The following TLR9 variants were observed in gnomAD, a reference collection of about 807,000 sequenced individuals.
TLR9 encodes the protein toll-like receptor 9.
TLR9 carries 19 observed loss-of-function variants against 24.6 expected under a neutral mutation model. The observed-to-expected ratio is 0.77, with a 90% confidence interval of 0.54 to 1.13. The LOEUF (loss-of-function observed/expected upper bound fraction) is 1.13. Ranked by LOEUF, TLR9 falls within the 50% of genes most tolerant of loss-of-function variation. The pLI is 0.00. For missense variants in TLR9, 1,065 were observed against 1,379.6 expected (o/e 0.77, Z 3.61); for synonymous variants, 579 against 609.8 (o/e 0.95, Z 0.74).
At position 52,221,730 on chromosome 3, in the gene TLR9, C is replaced by T. The variant is rs200997934; in HGVS notation, c.2586G>A (p.Gly862=). The T allele has an allele frequency of 9.4e-5, 152 of 1,613,818 alleles. No homozygotes were observed. Among genetic ancestry groups the T allele is most frequent in the East Asian group, 8.9e-5 (4 of 44,882 alleles). The part of the protein sequence containing the change: ...AWLPWRGRQS[G]RDEDALPYDA... ...CGTAGGGCAGGGCATCCTCATCTCG[C>T]CCACTTTGCCGCCCCCGCCAGGGAA... Residue 862 remains glycine, a synonymous_variant, in exon 2 of 2, where the codon GGG becomes GGA. Coordinates refer to ENST00000360658, the MANE Select transcript of TLR9 (RefSeq NM_017442.4). The surrounding 1 kb of genome is among the most constrained non-coding windows in gnomAD (Gnocchi z 9.9).
At chr3:52,224,442 T>TTGGCA in intron 1 of TLR9, 130 bp from the exon 2 acceptor site, 1 of 747,178 alleles carries the variant, frequency 1.3e-6, no homozygotes, top group Non-Finnish European at 2.2e-6. Context: ...TCTTCCTGGC[T>TTGGCA]GCCAAGCCCC....
rs747260036 is a variant in TLR9 at position 52,223,983 on chromosome 3, G to T, written c.333C>A (p.His111Gln). The T allele has an allele frequency of 2.5e-6, 4 of 1,596,264 alleles. No homozygotes were observed. The highest frequency in any genetic ancestry group is 3.4e-6 in the Non-Finnish European group (4 of 1,168,220). The change falls in exon 2 of 2, where the codon CAC (histidine) becomes CAA (glutamine). Residue 111 changes from histidine to glutamine, a missense_variant. Transcript: ENST00000360658. ...AGAAGGTGCTGGGCTCGATGGTCATGTGGCAGGGGAAGTGCATGGGGCTGA... is the reference window on the plus strand; with the variant it reads ...AGAAGGTGCTGGGCTCGATGGTCATTTGGCAGGGGAAGTGCATGGGGCTGA... Reference protein sequence around the residue: ...VGLSPMHFPCHMTIEPSTFLA... With the variant: ...VGLSPMHFPCQMTIEPSTFLA...
Position 52,221,309 on chromosome 3 carries a change from G to A in TLR9, c.3007C>T (p.Arg1003Cys), listed in dbSNP as rs200911364. 4.5e-6 allele frequency: 7 copies of A among 1,551,840 alleles called. No homozygotes were observed. Among genetic ancestry groups the A allele is most frequent in the African/African-American group, 2.7e-5 (2 of 72,784 alleles). The change falls in exon 2 of 2, where the codon CGC becomes TGC. Residue 1003 changes from arginine (R) to cysteine (C), a missense_variant. Physicochemically the swap from Arg to Cys is radical, Grantham distance 180 (BLOSUM62 -3). Transcript: ENST00000360658. The surrounding 1 kb of genome is among the most constrained non-coding windows in gnomAD (Gnocchi z 9.9). Reference protein sequence around the residue: ...LLWPHQPSGQRSFWAQLGMAL... With the variant: ...LLWPHQPSGQCSFWAQLGMAL... ...ATGCCCAGCTGGGCCCAGAAGCTGCGCTGACCACTGGGCTGGTGGGGCCAG... is the reference window on the plus strand; with the variant it reads ...ATGCCCAGCTGGGCCCAGAAGCTGCACTGACCACTGGGCTGGTGGGGCCAG...
At position 52,224,329 on chromosome 3, in the gene TLR9, G is replaced by A. The variant is rs201370994; in HGVS notation, c.4-17C>T. On this transcript the variant is annotated splice_polypyrimidine_tract_variant and intron_variant, in intron 1 of 1. Transcript: ENST00000360658. ...GCAGAAACCCTGTGGGGGTGGGAGG[G>A]CTGTGTGAGTGGCCGGCCCCCAGCT... 3.2e-6 allele frequency: 5 copies of A among 1,554,160 alleles called. No homozygotes were observed. Among genetic ancestry groups the A allele is most frequent in the Non-Finnish European group, 4.4e-6 (5 of 1,148,504 alleles).
In TLR9 at chr3:52,222,028, T is replaced by A; in HGVS notation, c.2288A>T (p.His763Leu). 3 of 1,611,742 alleles carry A rather than the reference T, an allele frequency of 1.9e-6. No homozygotes were observed. Among genetic ancestry groups the A allele is most frequent in the Admixed American group, 3.3e-5 (2 of 59,732 alleles). ...QILDVSANPLHCACGAAFMDF... is the reference protein window; with the variant it reads ...QILDVSANPLLCACGAAFMDF... ...CATAAAGGCCGCCCCACAGGCGCAG[T>A]GCAGAGGGTTGGCGCTTACATCTAG... Residue 763 changes from histidine (H) to leucine (L), a missense_variant, in exon 2 of 2, where the codon CAC (histidine) becomes CTC (leucine). By Grantham distance (99) the His-to-Leu change is moderately conservative (BLOSUM62 -3). Coordinates refer to ENST00000360658, the MANE Select transcript of TLR9 (RefSeq NM_017442.4).
chr3:52,224,295 G>A lies in TLR9; in HGVS notation c.21C>T (p.Ala7=). MGFCRS[A]LHPLSLLVQA... ...GCACCAGGAGAGACAGCGGGTGCAG[G>A]GCGCTGCGGCAGAAACCCTGTGGGG... The change falls in exon 2 of 2, where the codon GCC becomes GCT. Residue 7 remains alanine, a synonymous_variant. Transcript: ENST00000360658. 1 of 1,588,122 alleles carries A rather than the reference G, an allele frequency of 6.3e-7. No homozygotes were observed. Among genetic ancestry groups the A allele is most frequent in the Non-Finnish European group, 8.6e-7 (1 of 1,167,386 alleles).
chr3:52,225,445 C>G (rs1411014467), intron 1 of TLR9, 82 bp downstream of exon 1: 4 of 1,592,564 alleles, frequency 2.5e-6, no homozygotes, highest in Non-Finnish European at 3.4e-6. Flanking sequence ...GTCACTGTTG[C>G]TTGCAGCTGC....
At position 52,221,936 on chromosome 3, in the gene TLR9, C is replaced by T. The variant is rs371712112; in HGVS notation, c.2380G>A (p.Gly794Ser). The T allele has an allele frequency of 6.8e-5, 109 of 1,612,338 alleles. No individual in the cohort carries two copies. Among genetic ancestry groups the T allele is most frequent in the Non-Finnish European group, 9.0e-5 (106 of 1,179,402 alleles). ...AAGATGCTGAGGCCCTGGAGCTGGC[C>T]CGGACTGCCACACTTCACCCGGCTG... ...LPSRVKCGSPGQLQGLSIFAQ... is the reference protein window; with the variant it reads ...LPSRVKCGSPSQLQGLSIFAQ... Residue 794 changes from glycine (G) to serine (S), a missense_variant, in exon 2 of 2, where the codon GGC (glycine) becomes AGC (serine). Transcript: ENST00000360658. The surrounding 1 kb of genome is among the most constrained non-coding windows in gnomAD (Gnocchi z 9.9).
At position 52,221,805 on chromosome 3, in the gene TLR9, G is replaced by T; in HGVS notation, c.2511C>A (p.His837Gln). ...ALGLGVPMLH[H>Q]LCGWDLWYCF... ...AGTACCAGAGGTCCCAGCCACAGAG[G>T]TGATGCAGCATGGGCACACCCAGGC... Residue 837 changes from histidine to glutamine, a missense_variant, in exon 2 of 2, where the codon CAC becomes CAA. By Grantham distance (24) the His-to-Gln change is conservative. Coordinates refer to ENST00000360658, the MANE Select transcript of TLR9 (RefSeq NM_017442.4). The surrounding 1 kb of genome is among the most constrained non-coding windows in gnomAD (Gnocchi z 9.9). The T allele has an allele frequency of 6.2e-7, 1 of 1,614,034 alleles. No homozygotes were observed. Among genetic ancestry groups the T allele is most frequent in the Non-Finnish European group, 8.5e-7 (1 of 1,180,018 alleles).
At position 52,221,351 on chromosome 3, in the gene TLR9, G is replaced by A. The variant is rs747414072; in HGVS notation, c.2965C>T (p.Arg989Cys). The change falls in exon 2 of 2, where the codon CGC becomes TGC. Residue 989 changes from arginine to cysteine, a missense_variant. Transcript: ENST00000360658. This position sits in a 1 kb window ranked among gnomAD's most constrained non-coding sequence, Gnocchi z 9.9. ...RYVRLRQRLC[R>C]QSVLLWPHQP... ...TGGGGCCAGAGGAGGACACTCTGGC[G>A]GCAGAGGCGCTGGCGCAGCCGCACG... The A allele has an allele frequency of 2.5e-6, 4 of 1,582,404 alleles. No individual in the cohort carries two copies. Among genetic ancestry groups the A allele is most frequent in the Admixed American group, 1.8e-5 (1 of 56,630 alleles).
chr3:52,223,388 G>A lies in TLR9; in HGVS notation c.928C>T (p.Leu310Phe). The part of the protein sequence containing the change: ...NASWFRGLGN[L>F]RVLDLSENFL... ...TTCTCACTCAGGTCCAGCACTCGGAGGTTTCCCAGCCCACGGAACCAACTG... is the reference window on the plus strand; with the variant it reads ...TTCTCACTCAGGTCCAGCACTCGGAAGTTTCCCAGCCCACGGAACCAACTG... The change falls in exon 2 of 2, where the codon CTC becomes TTC. Residue 310 changes from leucine (L) to phenylalanine (F), a missense_variant. Coordinates refer to ENST00000360658, the MANE Select transcript of TLR9 (RefSeq NM_017442.4). 1 of 1,614,056 alleles carries A rather than the reference G, an allele frequency of 6.2e-7. No homozygotes were observed. The highest frequency in any genetic ancestry group is 8.5e-7 in the Non-Finnish European group (1 of 1,179,962).
rs1215245832 is a variant in TLR9 at position 52,222,512 on chromosome 3, C to A, written c.1804G>T (p.Ala602Ser). 6.2e-7 allele frequency: 1 copy of A among 1,614,200 alleles called. No individual in the cohort carries two copies. The highest frequency in any genetic ancestry group is 1.3e-5 in the African/African-American group (1 of 75,056). ...SQQLCSTSLRALDFSGNALGH... is the reference protein window; with the variant it reads ...SQQLCSTSLRSLDFSGNALGH... ...AGTGCATTGCCGCTGAAGTCCAGGG[C>A]CCGCAGCGACGTACTGCAGAGCTGC... The change falls in exon 2 of 2, where the codon GCC (alanine) becomes TCC (serine). Residue 602 changes from alanine (A) to serine (S), a missense_variant. Physicochemically the swap from Ala to Ser is moderately conservative, Grantham distance 99. Coordinates refer to ENST00000360658, the MANE Select transcript of TLR9 (RefSeq NM_017442.4).
In TLR9 at chr3:52,222,378, T is replaced by C; in HGVS notation, c.1938A>G (p.Gln646=). Residue 646 remains glutamine, a synonymous_variant, in exon 2 of 2, where the codon CAA becomes CAG. Coordinates refer to ENST00000360658, the MANE Select transcript of TLR9 (RefSeq NM_017442.4). ...SQNRLHTLLP[Q]TLRNLPKSLQ... ...GGCTCTTGGGGAGGTTGCGCAGGGT[T>C]TGGGGCAGGAGGGTGTGCAGGCGGT... 1 of 1,614,144 alleles carries C rather than the reference T, an allele frequency of 6.2e-7. No individual in the cohort carries two copies. The highest frequency in any genetic ancestry group is 1.1e-5 in the South Asian group (1 of 91,078).
chr3:52,224,296 G>A lies in TLR9; in HGVS notation c.20C>T (p.Ala7Val). The change falls in exon 2 of 2, where the codon GCC (alanine) becomes GTC (valine). Residue 7 changes from alanine (A) to valine (V), a missense_variant. Coordinates refer to ENST00000360658, the MANE Select transcript of TLR9 (RefSeq NM_017442.4). MGFCRS[A>V]LHPLSLLVQA... Reference sequence around the variant, plus strand: ...CACCAGGAGAGACAGCGGGTGCAGGGCGCTGCGGCAGAAACCCTGTGGGGG... The same window carrying A: ...CACCAGGAGAGACAGCGGGTGCAGGACGCTGCGGCAGAAACCCTGTGGGGG... 1 of 1,588,050 alleles carries A rather than the reference G, an allele frequency of 6.3e-7. No homozygotes were observed. Among genetic ancestry groups the A allele is most frequent in the Non-Finnish European group, 8.6e-7 (1 of 1,167,356 alleles).
At chr3:52,224,398 C>A in intron 1 of TLR9, 86 bp from the exon 2 acceptor site, 1 of 1,076,596 alleles carries the variant, frequency 9.3e-7, no homozygotes, top group Non-Finnish European at 1.4e-6. Context: ...CTAGCATCTT[C>A]CAACCCCTCT....
chr3:52,224,424 G>T, intron 1 of TLR9, 112 bp from the exon 2 acceptor site: 2 of 857,740 alleles, frequency 2.3e-6, no homozygotes, highest in Non-Finnish European at 3.6e-6. Context: ...AGCCCTACCT[G>T]CAGAAGTTCT....
In TLR9 at chr3:52,222,236, T is replaced by C. The variant is rs1262275709; in HGVS notation, c.2080A>G (p.Asn694Asp). 4.3e-6 allele frequency: 7 copies of C among 1,613,988 alleles called. No homozygotes were observed. The highest frequency in any genetic ancestry group is 1.6e-4 in the Middle Eastern group (1 of 6,064). ...LAGNQLKALT[N>D]GSLPAGTRLR... ...CGGGTGCCAGCAGGCAGGCTGCCAT[T>C]GGTCAGGGCCTTCAGCTGGTTTCCT... is the stretch of plus-strand genomic sequence containing the variant. Residue 694 changes from asparagine to aspartate, a missense_variant, in exon 2 of 2, where the codon AAT becomes GAT. Transcript: ENST00000360658.
Position 52,223,201 on chromosome 3 carries a change from TGC to T in TLR9, c.1113_1114del (p.Met371IlefsTer10). 1 of 1,613,524 alleles carries T rather than the reference TGC, an allele frequency of 6.2e-7. No homozygotes were observed. The highest frequency in any genetic ancestry group is 8.5e-7 in the Non-Finnish European group (1 of 1,179,748). ...ATCGAGTGAGCGGAAGAAGATGCCG[TGC>T]ATGTCCAGCTCCTTCAGGGCGACCA... On this transcript the variant is annotated frameshift_variant, in exon 2 of 2. Transcript: ENST00000360658. LOFTEE classifies it low-confidence loss of function (END_TRUNC).
chr3:52,221,343 A>G lies in TLR9; in HGVS notation c.2973T>C (p.Ser991=), dbSNP rs1486529388. ...TGGGCTGGTGGGGCCAGAGGAGGAC[A>G]CTCTGGCGGCAGAGGCGCTGGCGCA... ...VRLRQRLCRQ[S]VLLWPHQPSG... The change falls in exon 2 of 2, where the codon AGT becomes AGC. Residue 991 remains serine, a synonymous_variant. Coordinates refer to ENST00000360658, the MANE Select transcript of TLR9 (RefSeq NM_017442.4). The surrounding 1 kb of genome is among the most constrained non-coding windows in gnomAD (Gnocchi z 9.9). 6.3e-7 allele frequency: 1 copy of G among 1,581,488 alleles called. No homozygotes were observed. The highest frequency in any genetic ancestry group is 8.6e-7 in the Non-Finnish European group (1 of 1,161,936).
Sources: allele counts gnomAD v4.1 joint callset, GRCh38; gene constraint gnomAD v4.1.1; non-coding constraint Gnocchi (gnomAD v3.1); transcripts MANE v1.5; gene names NCBI Gene and HGNC (gene_info 2026-07-23, HGNC 2026-07-21).